Variants in GMDS observed in about 807,000 individuals in gnomAD.
The protein encoded by GMDS is GDP-mannose 4,6 dehydratase.
GMDS carries 20 observed loss-of-function variants against 49.9 expected under a neutral mutation model. The observed-to-expected ratio is 0.40, with a 90% CI of 0.28 to 0.58. The LOEUF (loss-of-function observed/expected upper bound fraction) is 0.58, where lower values mean the gene tolerates loss of function less well. Among genes scored for constraint, GMDS ranks in the 20% least tolerant of loss-of-function variants. The pLI is 0.42. For synonymous variants in GMDS, 177 were observed against 178.6 expected (o/e 0.99, Z 0.07); for missense variants, 362 against 481.4 (o/e 0.75, Z 2.32).
At chr6:2,018,746 T>C (rs1444380203) in intron 4 of GMDS, among the ~76,000 whole-genome samples, 1 of 152,174 alleles carries the variant, frequency 6.6e-6, no homozygotes, top group Non-Finnish European at 1.5e-5. Flanking sequence ...TAAATGAACA[T>C]TTGTGTTGTT....
At chr6:1,911,436 G>T (rs989096119) in intron 7 of GMDS, among the ~76,000 whole-genome samples, 1 of 152,066 alleles carries the variant, frequency 6.6e-6, no homozygotes, top group South Asian at 2.1e-4. Context: ...GAGACAGTTA[G>T]AAATGGTCAC....
In GMDS at chr6:1,836,027, C is replaced by T. The variant is rs1199065350; in HGVS notation, c.772-93441G>A. Among the ~76,000 whole-genome samples the T allele has an allele frequency of 6.6e-6, 1 of 152,146 alleles. No homozygotes were observed. The highest frequency in any genetic ancestry group is 1.5e-5 in the Non-Finnish European group (1 of 68,016). ...TGACTACAGGTGCCCACCACCACGC[C>T]TGGCTAATTTTTTGGATTTTTAGTA... On this transcript the variant is annotated intron_variant, in intron 7 of 10. Transcript: ENST00000380815. The surrounding 1 kb of genome is among the most constrained non-coding windows in gnomAD (Gnocchi z 4.2).
intron 6 of GMDS, among the ~76,000 whole-genome samples, chr6:1,948,424 G>T (rs985716834): frequency 6.6e-6 from 1 of 151,930 alleles, no homozygotes; most frequent in Non-Finnish European, 1.5e-5. Context: ...TCTTGTAATT[G>T]ACACAACCAT....
intron 9 of GMDS, among the ~76,000 whole-genome samples, chr6:1,636,124 C>G (rs1409777537): frequency 6.6e-6 from 1 of 152,206 alleles, no homozygotes; most frequent in Non-Finnish European, 1.5e-5. Flanking sequence ...GGAATGTCTG[C>G]ATCTCTTCGG....
intron 1 of GMDS, among the ~76,000 whole-genome samples, chr6:2,222,225 G>A (rs904245753): frequency 6.6e-6 from 1 of 152,102 alleles, no homozygotes; most frequent in East Asian, 1.9e-4. Context: ...ATTGAGTTTT[G>A]GAGCTTCTCA....
chr6:1,735,261 A>T (rs1367019700), intron 8 of GMDS, among the ~76,000 whole-genome samples: 3 of 152,206 alleles, frequency 2.0e-5, no homozygotes, highest in Non-Finnish European at 4.4e-5. Context: ...CCATCCCCAC[A>T]AATCTTCACC....
At chr6:1,987,326 C>T (rs909823372) in intron 4 of GMDS, among the ~76,000 whole-genome samples, 8 of 152,074 alleles carry the variant, frequency 5.3e-5, no homozygotes, top group African/African-American at 1.9e-4. Context: ...ATTTAAAACA[C>T]ACTCGAAGTT....
At chr6:1,759,035 G>A (rs554964350) in intron 7 of GMDS, among the ~76,000 whole-genome samples, 1 of 152,098 alleles carries the variant, frequency 6.6e-6, no homozygotes, top group Non-Finnish European at 1.5e-5. Context: ...TGATTCTCAC[G>A]CCTCAGCCTC....
intron 7 of GMDS, among the ~76,000 whole-genome samples, chr6:1,744,081 C>CA (rs1394169619): frequency 6.6e-6 from 1 of 152,084 alleles, no homozygotes; most frequent in Non-Finnish European, 1.5e-5. Flanking sequence ...AAAATGCCAC[C>CA]AAAAAAGTTT....
At chr6:1,888,114 A>G (rs1463731869) in intron 7 of GMDS, among the ~76,000 whole-genome samples, 1 of 141,886 alleles carries the variant, frequency 7.0e-6, no homozygotes, top group African/African-American at 2.5e-5. Flanking sequence ...ATTCCTGGCT[A>G]TTTTTTTATT....
intron 8 of GMDS, 66 bp from the exon 9 acceptor site, chr6:1,726,578 C>G (rs527634267): frequency 1.8e-6 from 2 of 1,128,320 alleles, no homozygotes; most frequent in Admixed American, 3.4e-5. Context: ...TGCTGTAGCA[C>G]CTTGGGATGC....
chr6:1,659,740 T>G (rs773676516), intron 9 of GMDS, among the ~76,000 whole-genome samples: 8 of 152,150 alleles, frequency 5.3e-5, no homozygotes, highest in Non-Finnish European at 1.0e-4. Context: ...CATAATAAAC[T>G]TCAATGGTTC....
At chr6:2,224,115 C>A (rs1205292890) in intron 1 of GMDS, among the ~76,000 whole-genome samples, 1 of 152,122 alleles carries the variant, frequency 6.6e-6, no homozygotes, top group East Asian at 1.9e-4. Context: ...TTTAGAAGAT[C>A]TTATATAACA....
At chr6:1,724,821 C>A (rs959894883) in intron 9 of GMDS, among the ~76,000 whole-genome samples, 5 of 152,176 alleles carry the variant, frequency 3.3e-5, no homozygotes, top group Admixed American at 6.5e-5. Flanking sequence ...CCTAGGCACA[C>A]CCACTCTCCA....
chr6:2,228,496 ATCCCT>A (rs546943275), intron 1 of GMDS, among the ~76,000 whole-genome samples: 2 of 152,344 alleles, frequency 1.3e-5, no homozygotes, highest in East Asian at 3.9e-4. Context: ...TTAAGAAAGC[ATCCCT>A]TCCCCATCCC....
In GMDS at chr6:1,766,808, G is replaced by A. The variant is rs566773102; in HGVS notation, c.772-24222C>T. ...TTAAAAACCCAACAAACTCTAAAAT[G>A]TTAGCTGTGGGCTGAAACACTGACT... is the stretch of plus-strand genomic sequence containing the variant. On this transcript the variant is annotated intron_variant, in intron 7 of 10. Coordinates refer to ENST00000380815, the MANE Select transcript of GMDS (RefSeq NM_001500.4). This position sits in a 1 kb window ranked among gnomAD's most constrained non-coding sequence, Gnocchi z 4.5. 5.9e-5 allele frequency among the ~76,000 whole-genome samples: 9 copies of A among 152,330 alleles called. No individual in the cohort carries two copies. In the South Asian group the frequency reaches 1.9e-3, roughly 32 times the overall value.
chr6:1,807,197 A>G (rs1309747217), intron 7 of GMDS, among the ~76,000 whole-genome samples: 1 of 152,004 alleles, frequency 6.6e-6, no homozygotes, highest in Non-Finnish European at 1.5e-5. Context: ...CTGTACCACC[A>G]TGCCTGGCAA....
At chr6:2,160,106 T>C (rs1478892036) in intron 1 of GMDS, among the ~76,000 whole-genome samples, 1 of 152,184 alleles carries the variant, frequency 6.6e-6, no homozygotes, top group Non-Finnish European at 1.5e-5. Context: ...TATTAACATA[T>C]TTCAAAGAAA....
chr6:2,096,223 A>C (rs1773596962), intron 4 of GMDS, among the ~76,000 whole-genome samples: 2 of 152,150 alleles, frequency 1.3e-5, no homozygotes, highest in Non-Finnish European at 2.9e-5. Context: ...TAATGATGTG[A>C]AACAGAAAGT....
Sources: allele counts gnomAD v4.1 joint callset (sites outside exome capture counted in the v4.1 genomes callset), GRCh38; gene constraint gnomAD v4.1.1; non-coding constraint Gnocchi (gnomAD v3.1); transcripts MANE v1.5; gene names NCBI Gene and HGNC (gene_info 2026-07-23, HGNC 2026-07-21).